The following GCM1 variants were observed in gnomAD, a reference collection of about 807,000 sequenced individuals.
The protein encoded by GCM1 is chorion-specific transcription factor GCMa.
In GCM1, 2 loss-of-function variants were observed where a neutral mutation model predicts 25.7. That is an observed-to-expected ratio of 0.08 (90% confidence interval 0.03 to 0.24). The LOEUF (loss-of-function observed/expected upper bound fraction) is 0.24. GCM1 is among the 10% of genes least tolerant of loss of function. The probability of loss-of-function intolerance (pLI) is 1.00; values close to 1 mark genes in which losing one functional copy is unlikely to be tolerated. For synonymous variants in GCM1, 183 were observed against 195.7 expected, an observed-to-expected ratio of 0.94 and a Z score of 0.54; for missense variants, 395 against 538.7, an observed-to-expected ratio of 0.73 and a Z score of 2.64.
rs1216774593 is a variant in GCM1, at chr6:53,130,897, G to C, written c.476C>G (p.Thr159Ser). The C allele has an allele frequency of 9.3e-6, 15 of 1,613,790 alleles. No homozygotes were observed. The highest frequency in any genetic ancestry group is 1.3e-5 in the African/African-American group (1 of 74,942). The change falls in exon 5 of 6, where the codon ACC becomes AGC. Residue 159 changes from threonine (T) to serine (S), a missense_variant. Thr to Ser is a moderately conservative substitution (Grantham distance 58). Transcript: ENST00000259803. ...TCTTCTTGCCTCAGCTTCTAACTTG[G>C]TTTCTGGTTTTGGATGATCATGCTC... ...KGEHDHPKPETKLEAEARRAM... is the reference protein window; with the variant it reads ...KGEHDHPKPESKLEAEARRAM...
At position 53,128,337 on chromosome 6, in the gene GCM1, C is replaced by T. The variant is rs769049481; in HGVS notation, c.1180G>A (p.Ala394Thr). The T allele has an allele frequency of 3.0e-5, 49 of 1,613,866 alleles. No individual in the cohort carries two copies. Among genetic ancestry groups the T allele is most frequent in the Admixed American group, 1.5e-4 (9 of 59,968 alleles). Residue 394 changes from alanine (A) to threonine (T), a missense_variant, in exon 6 of 6, where the codon GCC (alanine) becomes ACC (threonine). Coordinates refer to ENST00000259803, the MANE Select transcript of GCM1 (RefSeq NM_003643.4). Reference sequence around the variant, plus strand: ...GAATATTGCTGATGAGGATGAGAGGCGTAGGTGAAGAGAAAGGGGTCTTCT... The same window carrying T: ...GAATATTGCTGATGAGGATGAGAGGTGTAGGTGAAGAGAAAGGGGTCTTCT... The part of the protein sequence containing the change: ...PQEDPFLFTY[A>T]SHPHQQYSLP...
At chr6:53,143,150 G>A (rs2816337) in intron 2 of GCM1, among the ~76,000 whole-genome samples, 52,720 of 151,970 alleles carry the variant, frequency 0.35, 11,077 homozygotes, top group South Asian at 0.52. Flanking sequence ...TCATTTCCCC[G>A]ACATATTTAA....
chr6:53,143,252 A>C (rs760569249), intron 2 of GCM1, among the ~76,000 whole-genome samples: 2 of 152,178 alleles, frequency 1.3e-5, no homozygotes, highest in Non-Finnish European at 2.9e-5. Context: ...ATTTTTTGCT[A>C]TACATTTCTC....
chr6:53,135,093 C>A (rs1478505116), intron 2 of GCM1, among the ~76,000 whole-genome samples: 1 of 152,218 alleles, frequency 6.6e-6, no homozygotes, highest in African/African-American at 2.4e-5. Context: ...AGGATTGGCG[C>A]TATGCCCTGT....
chr6:53,144,955 A>AAAAGAAAG lies in GCM1; in HGVS notation c.75+595_75+602dup, dbSNP rs56941605. Among the ~76,000 whole-genome samples the AAAAGAAAG allele has an allele frequency of 6.6e-3, 937 of 142,664 alleles. 7 individuals are homozygous for AAAAGAAAG. The highest frequency in any genetic ancestry group is 0.024 in the African/African-American group (862 of 36,590). The allele number at this position is 142,664 out of a possible 152,430, so 93.6% of individuals were successfully genotyped here. A position where few individuals can be genotyped will look rare whatever the true frequency, so the allele number is the denominator to read the frequency against. ...AAAGTAGAGGAAGAAGAAAGAAAAG[A>AAAAGAAAG]AAAGAAAGAAAGAAAGAAAATGAAA... On this transcript the variant is annotated intron_variant, in intron 2 of 5. Coordinates refer to ENST00000259803, the MANE Select transcript of GCM1 (RefSeq NM_003643.4).
chr6:53,142,870 C>CAAAAAAAAAAA lies in GCM1; in HGVS notation c.75+2677_75+2687dup, dbSNP rs60718730. On this transcript the variant is annotated intron_variant, in intron 2 of 5. Transcript: ENST00000259803. ...AAAAGGTAAACAACTCAAGGATCTC[C>CAAAAAAAAAAA]AAAAAAAAAAAAAAAAAAAAAAAAA... Among the ~76,000 whole-genome samples, 10 of 37,534 alleles carry CAAAAAAAAAAA rather than the reference C, an allele frequency of 2.7e-4. 1 individual carries two copies. The highest frequency in any genetic ancestry group is 9.9e-4 in the Admixed American group (2 of 2,024). The allele number at this position is 37,534 out of a possible 152,430, so 24.6% of individuals were successfully genotyped here.
intron 1 of GCM1, among the ~76,000 whole-genome samples, chr6:53,146,780 C>A (rs1320821894): frequency 6.6e-6 from 1 of 152,278 alleles, no homozygotes; most frequent in East Asian, 1.9e-4. Flanking sequence ...AGCCTGTAAT[C>A]CCAATACTTT....
intron 5 of GCM1, among the ~76,000 whole-genome samples, chr6:53,130,204 A>G (rs1763704396): frequency 6.6e-6 from 1 of 152,216 alleles, no homozygotes; most frequent in Non-Finnish European, 1.5e-5. Context: ...GCACCTTTGA[A>G]CAGTAGAAAA....
chr6:53,137,406 A>G (rs1381245232), intron 2 of GCM1, among the ~76,000 whole-genome samples: 6 of 152,174 alleles, frequency 3.9e-5, no homozygotes, highest in Non-Finnish European at 7.3e-5. Flanking sequence ...GCAAACAATG[A>G]TGTCTTGTTT....
intron 2 of GCM1, among the ~76,000 whole-genome samples, chr6:53,138,883 A>G (rs1433221414): frequency 6.6e-6 from 1 of 152,234 alleles, no homozygotes; most frequent in African/African-American, 2.4e-5. Context: ...AACACCCTTC[A>G]TACTCACCTC....
chr6:53,135,009 C>A lies in GCM1; in HGVS notation c.76-685G>T, dbSNP rs141957671. Among the ~76,000 whole-genome samples the A allele has an allele frequency of 3.3e-3, 496 of 152,330 alleles. 8 individuals are homozygous for A. The highest frequency in any genetic ancestry group is 0.027 in the South Asian group (131 of 4,822). Reference sequence around the variant, plus strand: ...TTTTCTTCCTTTATCTTTAACCCTACGTTCACGTGCCTCAAACATGACAAG... The same window carrying A: ...TTTTCTTCCTTTATCTTTAACCCTAAGTTCACGTGCCTCAAACATGACAAG... On this transcript the variant is annotated intron_variant, in intron 2 of 5. Transcript: ENST00000259803.
chr6:53,138,020 C>G (rs1441747217), intron 2 of GCM1, among the ~76,000 whole-genome samples: 4 of 149,884 alleles, frequency 2.7e-5, no homozygotes, highest in Non-Finnish European at 4.5e-5. Context: ...AGTGGCTCAC[C>G]CCTGTAATCC....
At chr6:53,144,532 C>T (rs1443324848) in intron 2 of GCM1, among the ~76,000 whole-genome samples, 1 of 147,312 alleles carries the variant, frequency 6.8e-6, no homozygotes, top group Non-Finnish European at 1.5e-5. Flanking sequence ...GCTGTTTATG[C>T]CTGTAATCCC....
intron 2 of GCM1, among the ~76,000 whole-genome samples, chr6:53,144,934 T>TAAA (rs1763931967): frequency 1.6e-5 from 1 of 64,456 alleles, no homozygotes; most frequent in African/African-American, 6.7e-5. Flanking sequence ...AAAAAAAAAG[T>TAAA]AGAGGAAGAA....
In GCM1 at chr6:53,132,052, C is replaced by T. The variant is rs368156130; in HGVS notation, c.396G>A (p.Pro132=). 1.2e-5 allele frequency: 19 copies of T among 1,613,252 alleles called. No homozygotes were observed. Among genetic ancestry groups the T allele is most frequent in the East Asian group, 6.7e-5 (3 of 44,890 alleles). The stretch of plus-strand genomic sequence containing the variant: ...CGTCGTGCCTCCAGAAGTTGGTGAC[C>T]GGGAAGCCCCCATGACCTCGGCAAG... The part of the protein sequence containing the change: ...LIPCRGHGGF[P]VTNFWRHDGR... The change falls in exon 4 of 6, where the codon CCG becomes CCA. Residue 132 remains proline (P), a synonymous_variant. Transcript: ENST00000259803.
chr6:53,141,790 G>A (rs1329959553), intron 2 of GCM1, among the ~76,000 whole-genome samples: 1 of 151,758 alleles, frequency 6.6e-6, no homozygotes, highest in Admixed American at 6.6e-5. Context: ...GAACTCTTGA[G>A]TCCTGGGGTT....
intron 2 of GCM1, among the ~76,000 whole-genome samples, chr6:53,144,072 T>C (rs1763918641): frequency 6.6e-6 from 1 of 152,158 alleles, no homozygotes; most frequent in Non-Finnish European, 1.5e-5. Context: ...AAACAACTTC[T>C]AGTGAGAGCA....
At chr6:53,144,954 G>GAAAA in intron 2 of GCM1, among the ~76,000 whole-genome samples, 1 of 80,624 alleles carries the variant, frequency 1.2e-5, no homozygotes, top group South Asian at 3.6e-4. Context: ...AGAAAGAAAA[G>GAAAA]AAAAGAAAGA....
chr6:53,138,095 A>G (rs1284499487), intron 2 of GCM1, among the ~76,000 whole-genome samples: 1 of 152,138 alleles, frequency 6.6e-6, no homozygotes, highest in East Asian at 1.9e-4. Context: ...CAGACTGGCT[A>G]ACATGGCGAA....
Sources: allele counts gnomAD v4.1 joint callset (sites outside exome capture counted in the v4.1 genomes callset), GRCh38; gene constraint gnomAD v4.1.1; transcripts MANE v1.5; gene names NCBI Gene and HGNC (gene_info 2026-07-23, HGNC 2026-07-21).